The following WDR7 variants were observed in gnomAD, a reference collection of about 807,000 sequenced individuals.
WDR7 encodes the protein WD repeat domain 7, also known as WD repeat-containing protein 7.
Under a neutral mutation model 169.4 loss-of-function variants are expected in WDR7, and 46 were observed. The ratio of observed to expected loss-of-function variants is 0.27; its 90% confidence interval spans 0.21 to 0.35. The LOEUF is 0.35. Ranked by LOEUF, WDR7 falls within the 10% of genes least tolerant of loss-of-function variation. WDR7 has a pLI of 1.00. For synonymous variants in WDR7, 612 were observed against 666.8 expected (o/e 0.92, Z 1.27); for missense variants, 1,534 against 1,859.3 (o/e 0.83, Z 3.22).
chr18:56,942,288 G>A (rs79439481), intron 25 of WDR7, among the ~76,000 whole-genome samples: 4,633 of 152,084 alleles, frequency 0.03, 128 homozygotes, highest in African/African-American at 0.073. Context: ...GTTCTTTTGG[G>A]GGAGGGAATT....
intron 14 of WDR7, among the ~76,000 whole-genome samples, chr18:56,742,902 GT>G (rs1399290984): frequency 6.6e-6 from 1 of 151,610 alleles, no homozygotes; most frequent in Non-Finnish European, 1.5e-5. Flanking sequence ...CCATGTGAAG[GT>G]GCTTAAGCTT....
chr18:56,963,212 G>A (rs545945488), intron 26 of WDR7, among the ~76,000 whole-genome samples: 5 of 152,180 alleles, frequency 3.3e-5, no homozygotes, highest in South Asian at 4.1e-4. Flanking sequence ...TCCCAGAGTC[G>A]CACTGTTACT....
chr18:56,779,362 A>G (rs1430295883), intron 17 of WDR7, 69 bp from the exon 18 acceptor site: 5 of 1,259,308 alleles, frequency 4.0e-6, no homozygotes, highest in South Asian at 1.5e-5. Context: ...GTATACTTAC[A>G]TAAAGAACTG....
At chr18:56,772,827 G>A (rs1473334132) in intron 16 of WDR7, among the ~76,000 whole-genome samples, 1 of 151,948 alleles carries the variant, frequency 6.6e-6, no homozygotes, top group Non-Finnish European at 1.5e-5. Context: ...CACAGTATTG[G>A]TGGAAACCAA....
chr18:56,711,699 CT>C (rs1262356332), intron 12 of WDR7, among the ~76,000 whole-genome samples: 18 of 147,482 alleles, frequency 1.2e-4, no homozygotes, highest in Admixed American at 3.4e-4. Context: ...CAGTCCTCTA[CT>C]TTTTTTTTTA....
intron 1 of WDR7, among the ~76,000 whole-genome samples, chr18:56,665,494 A>G (rs376804117): frequency 2.2e-5 from 3 of 138,260 alleles, no homozygotes; most frequent in Non-Finnish European, 3.2e-5. Flanking sequence ...AGGCAGTCAT[A>G]TTACTGATTT....
At chr18:56,948,844 A>T (rs1193225104) in intron 25 of WDR7, among the ~76,000 whole-genome samples, 1 of 152,120 alleles carries the variant, frequency 6.6e-6, no homozygotes, top group African/African-American at 2.4e-5. Context: ...GCACACATGG[A>T]GTTCAGCCAT....
At chr18:56,769,297 G>A (rs988538505) in intron 16 of WDR7, among the ~76,000 whole-genome samples, 2 of 150,672 alleles carry the variant, frequency 1.3e-5, no homozygotes, top group Non-Finnish European at 2.9e-5. Flanking sequence ...GTGGCTTACC[G>A]CAGCCTCGAC....
At chr18:56,745,465 T>G (rs760755650) in intron 14 of WDR7, among the ~76,000 whole-genome samples, 1 of 152,154 alleles carries the variant, frequency 6.6e-6, no homozygotes, top group Non-Finnish European at 1.5e-5. Flanking sequence ...GTAGATGGTT[T>G]CGGGATGAAA....
At chr18:56,930,890 A>G (rs772137482) in intron 22 of WDR7, among the ~76,000 whole-genome samples, 11 of 152,182 alleles carry the variant, frequency 7.2e-5, no homozygotes, top group Non-Finnish European at 1.2e-4. Flanking sequence ...AAGTCTGACA[A>G]TTTTAGATCA....
chr18:56,824,178 G>C (rs2045155414), intron 20 of WDR7, among the ~76,000 whole-genome samples: 1 of 152,108 alleles, frequency 6.6e-6, no homozygotes, highest in African/African-American at 2.4e-5. Flanking sequence ...CATCTGACTG[G>C]CATGCTCTTA....
At chr18:56,828,169 GC>G (rs2045243264) in intron 20 of WDR7, among the ~76,000 whole-genome samples, 4 of 152,244 alleles carry the variant, frequency 2.6e-5, no homozygotes, top group Middle Eastern at 6.8e-3. Flanking sequence ...CAAGAACTAA[GC>G]CATATCCAAA....
At chr18:56,777,677 A>G (rs576863316) in intron 17 of WDR7, among the ~76,000 whole-genome samples, 1 of 152,230 alleles carries the variant, frequency 6.6e-6, no homozygotes, top group Non-Finnish European at 1.5e-5. Flanking sequence ...CAAAAATATA[A>G]CAGTAAGACC....
chr18:56,685,926 G>T, intron 5 of WDR7, 30 bp from the exon 6 acceptor site: 1 of 1,566,796 alleles, frequency 6.4e-7, no homozygotes, highest in Non-Finnish European at 8.7e-7. Context: ...TTCGTAACCT[G>T]GGCTGCTTTT....
At chr18:57,013,205 T>A (rs1291344505) in intron 26 of WDR7, among the ~76,000 whole-genome samples, 1 of 152,068 alleles carries the variant, frequency 6.6e-6, no homozygotes, top group Non-Finnish European at 1.5e-5. Flanking sequence ...CACAATAGGG[T>A]TTGCACACCT....
chr18:56,926,505 T>C (rs2046811187), intron 22 of WDR7, among the ~76,000 whole-genome samples: 1 of 152,220 alleles, frequency 6.6e-6, no homozygotes, highest in Non-Finnish European at 1.5e-5. Flanking sequence ...TCAGGGTTAG[T>C]ATTTAATATT....
At position 57,027,330 on chromosome 18, in the gene WDR7, A is replaced by ACGGC. The variant is rs3833199; in HGVS notation, c.*127_*130dup. 0.25 allele frequency: 302,863 copies of ACGGC among 1,215,992 alleles called. 41,783 individuals are homozygous for ACGGC. Among genetic ancestry groups the ACGGC allele is most frequent in the Non-Finnish European group, 0.27 (238,685 of 883,280 alleles). The allele number at this position is 1,215,992 out of a possible 1,614,324, so 75.3% of individuals were successfully genotyped here. A position where few individuals can be genotyped will look rare whatever the true frequency, so the allele number is the denominator to read the frequency against. On this transcript the variant is annotated 3_prime_UTR_variant, in exon 28 of 28. Transcript: ENST00000254442. Reference sequence around the variant, plus strand: ...GCCCACCCCAGTGCCATCCAGTGGCACGGCCGGGTCTTGTCACTTGTGCAT... The same window carrying ACGGC: ...GCCCACCCCAGTGCCATCCAGTGGCACGGCCGGCCGGGTCTTGTCACTTGTGCAT...
chr18:56,692,245 G>A (rs2025587626), intron 9 of WDR7, among the ~76,000 whole-genome samples: 1 of 152,002 alleles, frequency 6.6e-6, no homozygotes. Context: ...AAATCATGTA[G>A]CATTTTAAAT....
chr18:56,812,403 A>T (rs554876628), intron 19 of WDR7, among the ~76,000 whole-genome samples: 1 of 152,142 alleles, frequency 6.6e-6, no homozygotes, highest in African/African-American at 2.4e-5. Flanking sequence ...TTTATCTTTG[A>T]GTGGGGTGTA....
Sources: allele counts gnomAD v4.1 joint callset (sites outside exome capture counted in the v4.1 genomes callset), GRCh38; gene constraint gnomAD v4.1.1; transcripts MANE v1.5; gene names NCBI Gene and HGNC (gene_info 2026-07-23, HGNC 2026-07-21).